RHBDF2: variants seen among roughly 807,000 people sequenced by gnomAD.
The protein encoded by RHBDF2 is inactive rhomboid protein 2.
RHBDF2 carries 38 observed loss-of-function variants against 95.2 expected under a neutral mutation model. The observed-to-expected ratio is 0.40, with a 90% CI of 0.31 to 0.52. RHBDF2 has a LOEUF of 0.52. Ranked by LOEUF, RHBDF2 falls within the 20% of genes least tolerant of loss-of-function variation. The pLI is 0.56. For synonymous variants in RHBDF2, 442 were observed against 462.0 expected (o/e 0.96, Z 0.55); for missense variants, 863 against 1,137.7 (o/e 0.76, Z 3.47).
At chr17:76,490,237 G>A (rs1424865709) in intron 1 of RHBDF2, among the ~76,000 whole-genome samples, 2 of 152,182 alleles carry the variant, frequency 1.3e-5, no homozygotes, top group Non-Finnish European at 2.9e-5. Context: ...GTCCAGCAGC[G>A]CTGGCTTCGC....
chr17:76,491,097 C>T (rs2074287297), intron 1 of RHBDF2, among the ~76,000 whole-genome samples: 2 of 152,132 alleles, frequency 1.3e-5, no homozygotes, highest in Non-Finnish European at 2.9e-5. Context: ...CTTTGGAGGG[C>T]TCCACTGAGA....
Position 76,477,326 on chromosome 17 carries a change from G to A in RHBDF2, c.802-28C>T, listed in dbSNP as rs776604804. On this transcript the variant is annotated intron_variant, in intron 7 of 18. Coordinates refer to ENST00000675367, the MANE Select transcript of RHBDF2 (RefSeq NM_001005498.4). ...GGGGTGGGGGACAAGAAAATACAGTGTAAGGAGTCTGTCCCAAACACTGCC... is the reference window on the plus strand; with the variant it reads ...GGGGTGGGGGACAAGAAAATACAGTATAAGGAGTCTGTCCCAAACACTGCC... 3 of 1,607,018 alleles carry A rather than the reference G, an allele frequency of 1.9e-6. No homozygotes were observed. The East Asian group carries it at 6.7e-5, about 36-fold the overall frequency.
chr17:76,472,132 C>T (rs779230320), intron 18 of RHBDF2, 80 bp from the exon 19 acceptor site: 8 of 1,355,820 alleles, frequency 5.9e-6, no homozygotes, highest in Admixed American at 2.5e-5. Flanking sequence ...GTCATCCCAT[C>T]GATCAGCTCC....
chr17:76,474,849 C>A (rs759597410), intron 10 of RHBDF2, 45 bp from the exon 11 acceptor site: 2 of 1,595,054 alleles, frequency 1.3e-6, no homozygotes, highest in African/African-American at 2.7e-5. Flanking sequence ...ACAGTGTGGG[C>A]CCTGGGCATG....
At position 76,481,340 on chromosome 17, in the gene RHBDF2, G is replaced by C. The variant is rs142897910; in HGVS notation, c.150+35C>G. On this transcript the variant is annotated intron_variant, in intron 3 of 18. Coordinates refer to ENST00000675367, the MANE Select transcript of RHBDF2 (RefSeq NM_001005498.4). ...TCACGTGGGTACATCTGTTACCTACGGCAGAACAGTGAGCCCCCAGGCCAG... is the reference window on the plus strand; with the variant it reads ...TCACGTGGGTACATCTGTTACCTACCGCAGAACAGTGAGCCCCCAGGCCAG... The C allele has an allele frequency of 2.2e-4, 344 of 1,591,856 alleles. 1 individual carries two copies. In the East Asian group the frequency reaches 7.1e-3, roughly 33 times the overall value.
intron 8 of RHBDF2, 39 bp from the exon 9 acceptor site, chr17:76,477,063 A>C (rs961641022): frequency 3.7e-6 from 6 of 1,611,464 alleles, no homozygotes; most frequent in Admixed American, 3.3e-5. Flanking sequence ...ATCCCCCACC[A>C]AAATACTCCC....
rs1313094565 is a variant in RHBDF2, at chr17:76,479,841, G to T, written c.164C>A (p.Ala55Asp). The change falls in exon 4 of 19, where the codon GCC (alanine) becomes GAC (aspartate). Residue 55 changes from alanine to aspartate, a missense_variant. Physicochemically the swap from Ala to Asp is moderately radical, Grantham distance 126 (BLOSUM62 -2). This residue lies in a region of RHBDF2 where 611 missense variants were observed against 725.5 expected (regional missense o/e 0.84). Coordinates refer to ENST00000675367, the MANE Select transcript of RHBDF2 (RefSeq NM_001005498.4). Reference sequence around the variant, plus strand: ...CTGGAGGCTGACGCTCTTCAAGTAGGCTGGGTTCTTCCTCTTGGGGAGGAA... The same window carrying T: ...CTGGAGGCTGACGCTCTTCAAGTAGTCTGGGTTCTTCCTCTTGGGGAGGAA... ...DSMLPERKNPAYLKSVSLQEP... is the reference protein window; with the variant it reads ...DSMLPERKNPDYLKSVSLQEP... 8.1e-6 allele frequency: 13 copies of T among 1,612,866 alleles called. No individual in the cohort carries two copies. Among genetic ancestry groups the T allele is most frequent in the East Asian group, 2.2e-5 (1 of 44,810 alleles).
chr17:76,496,634 G>GTGAGA (rs1217050765), intron 1 of RHBDF2, among the ~76,000 whole-genome samples: 3 of 152,248 alleles, frequency 2.0e-5, no homozygotes, highest in Non-Finnish European at 4.4e-5. Flanking sequence ...GAGGCTAAGG[G>GTGAGA]TGAGAGGCGG....
intron 1 of RHBDF2, among the ~76,000 whole-genome samples, chr17:76,489,016 C>T (rs2074224848): frequency 6.6e-6 from 1 of 151,924 alleles, no homozygotes; most frequent in Non-Finnish European, 1.5e-5. Context: ...ATCCCAGCTA[C>T]TCGGGAGGCT....
intron 1 of RHBDF2, among the ~76,000 whole-genome samples, chr17:76,492,656 C>T (rs1222958164): frequency 1.3e-4 from 20 of 152,220 alleles, no homozygotes; most frequent in Admixed American, 1.3e-3. Context: ...CACCAATCTC[C>T]CTGCACTCCC....
At chr17:76,481,084 G>A (rs931537093) in intron 3 of RHBDF2, among the ~76,000 whole-genome samples, 1 of 152,190 alleles carries the variant, frequency 6.6e-6, no homozygotes, top group East Asian at 1.9e-4. Context: ...CCAGGCCTAG[G>A]GGGTGAAATG....
rs374852138 is a variant in RHBDF2 at position 76,497,041 on chromosome 17, G to A, written c.-220+4312C>T. On this transcript the variant is annotated intron_variant, in intron 1 of 18. Transcript: ENST00000675367. ...CTCCCAAAGTGCTGGGATTACAGGCGTGAGCCACCGCGCCTGGCCCCAGAT... is the reference window on the plus strand; with the variant it reads ...CTCCCAAAGTGCTGGGATTACAGGCATGAGCCACCGCGCCTGGCCCCAGAT... 2.8e-4 allele frequency among the ~76,000 whole-genome samples: 42 copies of A among 152,294 alleles called. 1 individual carries two copies. The South Asian group carries it at 7.7e-3, about 28-fold the overall frequency.
At chr17:76,485,980 G>C (rs1015252120) in intron 2 of RHBDF2, among the ~76,000 whole-genome samples, 1 of 152,014 alleles carries the variant, frequency 6.6e-6, no homozygotes, top group Non-Finnish European at 1.5e-5. Context: ...TGGGCAGGGG[G>C]TGACAGCTAA....
intron 2 of RHBDF2, 31 bp from the exon 3 acceptor site, chr17:76,481,576 G>A (rs2073966823): frequency 6.3e-7 from 1 of 1,576,936 alleles, no homozygotes; most frequent in African/African-American, 1.3e-5. Context: ...GCAGCGGTGG[G>A]CGGTGCGGGG....
chr17:76,494,745 C>T (rs750422951), intron 1 of RHBDF2, among the ~76,000 whole-genome samples: 2 of 152,196 alleles, frequency 1.3e-5, no homozygotes, highest in African/African-American at 4.8e-5. Flanking sequence ...GAGCAAGACT[C>T]CATCTCAAAA....
At chr17:76,472,304 C>A (rs945947969) in intron 18 of RHBDF2, 1 of 596,678 alleles carries the variant, frequency 1.7e-6, no homozygotes, top group African/African-American at 1.9e-5. Flanking sequence ...ACAGACAAGC[C>A]TGTTCCAGGC....
chr17:76,478,113 C>T (rs1455877227), intron 6 of RHBDF2, among the ~76,000 whole-genome samples: 2 of 152,192 alleles, frequency 1.3e-5, no homozygotes, highest in Non-Finnish European at 2.9e-5. Context: ...CCCTCACTCC[C>T]GAGGCTTGGG....
intron 1 of RHBDF2, among the ~76,000 whole-genome samples, chr17:76,494,290 TG>T (rs1423002338): frequency 6.6e-6 from 1 of 152,164 alleles, no homozygotes; most frequent in Non-Finnish European, 1.5e-5. Context: ...CAGGCTGAGC[TG>T]GGGGTGCTGG....
rs575762174 is a variant in RHBDF2, at chr17:76,486,602, TA to T, written c.-22+1109del. The stretch of plus-strand genomic sequence containing the variant: ...GGTGGTGCGTGCATATAGTCCCAGC[TA>T]CTCAGGAGGCTGAGGCAGAAGGATG... On this transcript the variant is annotated intron_variant, in intron 2 of 18. Transcript: ENST00000675367. Among the ~76,000 whole-genome samples, 4 of 151,176 alleles carry T rather than the reference TA, an allele frequency of 2.6e-5. No individual in the cohort carries two copies. In the South Asian group the frequency reaches 8.4e-4, roughly 32 times the overall value.
Sources: gnomAD v4.1 joint callset for allele counts (sites outside exome capture counted in the v4.1 genomes callset) on GRCh38, gnomAD v4.1.1 for gene constraint, gnomAD v4.1.1 regional missense constraint, MANE v1.5 for transcripts, NCBI Gene and HGNC (gene_info 2026-07-23, HGNC 2026-07-21) for gene names.